The following TMEM117 variants were observed in gnomAD, a reference collection of about 807,000 sequenced individuals.
The protein encoded by TMEM117 is transmembrane protein 117.
In TMEM117, 27 loss-of-function variants were observed where a neutral mutation model predicts 52.4. The observed-to-expected ratio is 0.51, with a 90% CI of 0.38 to 0.71. The LOEUF (loss-of-function observed/expected upper bound fraction) is 0.71, where lower values mean the gene tolerates loss of function less well. Ranked by LOEUF, TMEM117 falls within the 30% of genes least tolerant of loss-of-function variation. The pLI is 0.00. For missense variants in TMEM117, 556 were observed against 630.5 expected, an observed-to-expected ratio of 0.88 and a Z score of 1.26; for synonymous variants, 215 against 206.3, an observed-to-expected ratio of 1.04 and a Z score of -0.36.
At chr12:43,880,712 G>A (rs1206686910) in intron 2 of TMEM117, among the ~76,000 whole-genome samples, 2 of 152,190 alleles carry the variant, frequency 1.3e-5, no homozygotes, top group Admixed American at 6.5e-5. Flanking sequence ...GTATTTCAAA[G>A]TGATTGTATT....
chr12:43,825,835 C>T, the TMEM117 span, among the ~76,000 whole-genome samples: 2 of 152,160 alleles, frequency 1.3e-5, no homozygotes, highest in African/African-American at 2.4e-5. Context: ...TTTACTGTAA[C>T]ACAGATGGTC....
chr12:44,263,931 A>G (rs569898040), intron 5 of TMEM117: 1 of 152,296 alleles, frequency 6.6e-6, no homozygotes, highest in Admixed American at 6.5e-5. Flanking sequence ...ATCCTGGAGG[A>G]TCATATTAAT....
At chr12:44,152,773 A>G (rs1036557368) in intron 4 of TMEM117, among the ~76,000 whole-genome samples, 1 of 140,610 alleles carries the variant, frequency 7.1e-6, no homozygotes, top group African/African-American at 2.6e-5. Flanking sequence ...TAATATAAAT[A>G]TAAATATGGT....
intron 3 of TMEM117, among the ~76,000 whole-genome samples, chr12:44,002,499 A>G (rs913546272): frequency 9.9e-5 from 15 of 152,124 alleles, no homozygotes; most frequent in Non-Finnish European, 2.9e-5. Flanking sequence ...CTGAGGAGGG[A>G]CAAGGGAAAT....
intron 3 of TMEM117, among the ~76,000 whole-genome samples, chr12:44,039,005 ATATAATT>A (rs1356627001): frequency 1.3e-5 from 2 of 152,204 alleles, no homozygotes; most frequent in Non-Finnish European, 2.9e-5. Flanking sequence ...GCCAGACATC[ATATAATT>A]TTACTGTGGC....
At chr12:43,885,430 T>TTG (rs1943975388) in intron 2 of TMEM117, among the ~76,000 whole-genome samples, 1 of 146,228 alleles carries the variant, frequency 6.8e-6, no homozygotes, top group Non-Finnish European at 1.5e-5. Flanking sequence ...TTTTTTTTTT[T>TTG]GATATCCAGA....
intron 2 of TMEM117, among the ~76,000 whole-genome samples, chr12:43,878,492 G>C (rs1265268459): frequency 6.6e-6 from 1 of 152,098 alleles, no homozygotes; most frequent in Non-Finnish European, 1.5e-5. Flanking sequence ...ATTGTTTTCA[G>C]AAATAATCTA....
chr12:43,988,377 T>A (rs921731591), intron 3 of TMEM117, among the ~76,000 whole-genome samples: 3 of 152,164 alleles, frequency 2.0e-5, no homozygotes, highest in African/African-American at 7.2e-5. Flanking sequence ...GTTTTGCTTA[T>A]GTCCATATAT....
At chr12:44,299,531 T>G in intron 5 of TMEM117, 49 bp from the exon 6 acceptor site, 3 of 1,600,486 alleles carry the variant, frequency 1.9e-6, no homozygotes, top group Non-Finnish European at 1.7e-6. Context: ...CTCTCTAGTA[T>G]CTATATTTTA....
intron 6 of TMEM117, among the ~76,000 whole-genome samples, chr12:44,370,682 T>A (rs1211817585): frequency 6.6e-6 from 1 of 152,076 alleles, no homozygotes. Context: ...CATGCCTGGC[T>A]AATTTTTGTA....
intron 2 of TMEM117, among the ~76,000 whole-genome samples, chr12:43,867,277 C>G (rs951088682): frequency 2.6e-5 from 4 of 152,010 alleles, no homozygotes; most frequent in Non-Finnish European, 4.4e-5. Context: ...CCTAATTAAA[C>G]TGTGATAAGT....
chr12:44,170,044 C>T (rs1012569521), intron 4 of TMEM117, among the ~76,000 whole-genome samples: 1 of 152,094 alleles, frequency 6.6e-6, no homozygotes, highest in African/African-American at 2.4e-5. Flanking sequence ...GGAACCAACC[C>T]AAATGCCCAT....
chr12:43,927,367 G>T (rs1398674259), intron 2 of TMEM117, among the ~76,000 whole-genome samples: 3 of 151,714 alleles, frequency 2.0e-5, no homozygotes, highest in Admixed American at 6.6e-5. Context: ...GTTGCATGCA[G>T]GGTTCAATAT....
chr12:44,046,535 C>G (rs1435953680), intron 3 of TMEM117, among the ~76,000 whole-genome samples: 1 of 152,172 alleles, frequency 6.6e-6, no homozygotes, highest in Non-Finnish European at 1.5e-5. Flanking sequence ...GACCCAGACA[C>G]TTCAGGAATG....
At chr12:44,293,452 T>G (rs138205118) in intron 5 of TMEM117, among the ~76,000 whole-genome samples, 174 of 152,238 alleles carry the variant, frequency 1.1e-3, no homozygotes, top group African/African-American at 3.9e-3. Context: ...GGTAAAGACT[T>G]ATGACTTCCA....
chr12:43,899,495 C>T (rs1944269395), intron 2 of TMEM117, among the ~76,000 whole-genome samples: 1 of 152,196 alleles, frequency 6.6e-6, no homozygotes. Flanking sequence ...CTATCATGAT[C>T]ATTCTGAAGA....
chr12:44,312,995 A>G (rs986612038), intron 6 of TMEM117, among the ~76,000 whole-genome samples: 3 of 152,182 alleles, frequency 2.0e-5, no homozygotes, highest in Non-Finnish European at 2.9e-5. Flanking sequence ...TAAGTATATT[A>G]CAGATTCTGG....
Position 44,104,492 on chromosome 12 carries a change from G to A in TMEM117, c.411-39033G>A, listed in dbSNP as rs550798529. 3.2e-4 allele frequency among the ~76,000 whole-genome samples: 48 copies of A among 151,790 alleles called. No homozygotes were observed. In the South Asian group the frequency reaches 9.8e-3, roughly 31 times the overall value. ...TGAGTTAGTAAATTACCTTATTTATGTAAACTTATTTAAGTCCCACAAAGG... is the reference window on the plus strand; with the variant it reads ...TGAGTTAGTAAATTACCTTATTTATATAAACTTATTTAAGTCCCACAAAGG... On this transcript the variant is annotated intron_variant, in intron 3 of 7. Transcript: ENST00000266534.
chr12:44,106,353 T>G (rs1041446876), intron 3 of TMEM117, among the ~76,000 whole-genome samples: 2 of 152,014 alleles, frequency 1.3e-5, no homozygotes, highest in Non-Finnish European at 2.9e-5. Context: ...TTGCTTGAGG[T>G]CAAACACAAA....
Sources: gnomAD v4.1 joint callset for allele counts (sites outside exome capture counted in the v4.1 genomes callset) on GRCh38, gnomAD v4.1.1 for gene constraint, MANE v1.5 for transcripts, NCBI Gene and HGNC (gene_info 2026-07-23, HGNC 2026-07-21) for gene names.